The following PKHD1 variants were observed in gnomAD, a reference collection of about 807,000 sequenced individuals.
PKHD1 encodes the protein PKHD1 ciliary IPT domain containing fibrocystin/polyductin, also known as fibrocystin.
Under a neutral mutation model 412.0 loss-of-function variants are expected in PKHD1, and 291 were observed. That is an observed-to-expected ratio of 0.71 (90% confidence interval 0.64 to 0.78). The LOEUF (loss-of-function observed/expected upper bound fraction) is 0.78. Ranked by LOEUF, PKHD1 falls within the 30% of genes least tolerant of loss-of-function variation. The pLI is 0.00. For missense variants in PKHD1, 4,825 were observed against 4,950.7 expected, an observed-to-expected ratio of 0.97 and a Z score of 0.76; for synonymous variants, 1,777 against 1,821.5, an observed-to-expected ratio of 0.98 and a Z score of 0.62.
At chr6:52,009,099 C>T (rs568769293) in intron 35 of PKHD1, among the ~76,000 whole-genome samples, 15 of 152,252 alleles carry the variant, frequency 9.9e-5, no homozygotes, top group African/African-American at 3.4e-4. Context: ...GGAAGTGCCA[C>T]TGGGGGTCAG....
chr6:51,696,675 G>A (rs1171851399), intron 60 of PKHD1, among the ~76,000 whole-genome samples: 1 of 152,160 alleles, frequency 6.6e-6, no homozygotes, highest in Non-Finnish European at 1.5e-5. Flanking sequence ...CTAAGGATGG[G>A]ATGAGCAAGC....
chr6:51,695,866 T>C (rs781708152), intron 60 of PKHD1, among the ~76,000 whole-genome samples: 2 of 152,212 alleles, frequency 1.3e-5, no homozygotes, highest in Non-Finnish European at 2.9e-5. Flanking sequence ...CTTTACTATC[T>C]TGTGTCTGTT....
intron 52 of PKHD1, among the ~76,000 whole-genome samples, chr6:51,812,772 A>G (rs1158037730): frequency 9.2e-5 from 14 of 152,200 alleles, no homozygotes; most frequent in Admixed American, 8.5e-4. Context: ...CTGAGAGTCT[A>G]GTACCTTTCA....
Position 52,066,147 on chromosome 6 carries a change from T to C in PKHD1, c.779-70A>G, listed in dbSNP as rs535422632. The C allele has an allele frequency of 3.8e-5, 27 of 709,892 alleles. No individual in the cohort carries two copies. In the East Asian group the frequency reaches 6.5e-4, roughly 17 times the overall value. 44.0% of individuals were successfully genotyped at this position (709,892 alleles called of 1,614,324 possible). ...CCAGAATATGACCTAGATAATAATA[T>C]AATAATAGGAGATATTAATAATTTC... On this transcript the variant is annotated intron_variant, in intron 11 of 66. Transcript: ENST00000371117.
At chr6:51,752,882 A>G (rs1465851992) in intron 57 of PKHD1, among the ~76,000 whole-genome samples, 1 of 152,200 alleles carries the variant, frequency 6.6e-6, no homozygotes, top group African/African-American at 2.4e-5. Flanking sequence ...AGAGTAACAG[A>G]AATTCAGGAA....
chr6:51,972,058 G>C (rs564297347), intron 35 of PKHD1, among the ~76,000 whole-genome samples: 1 of 152,026 alleles, frequency 6.6e-6, no homozygotes, highest in African/African-American at 2.4e-5. Flanking sequence ...TTAAAGGCCC[G>C]TATTCTGACT....
intron 36 of PKHD1, among the ~76,000 whole-genome samples, chr6:51,943,461 A>T (rs1210545734): frequency 6.6e-6 from 1 of 151,068 alleles, no homozygotes; most frequent in Non-Finnish European, 1.5e-5. Context: ...ACCGTTCTCA[A>T]CTACTCATAA....
At chr6:51,992,947 T>C (rs1450691620) in intron 35 of PKHD1, among the ~76,000 whole-genome samples, 1 of 152,208 alleles carries the variant, frequency 6.6e-6, no homozygotes, top group Non-Finnish European at 1.5e-5. Flanking sequence ...TAAAACTAGA[T>C]TCAACCATCA....
At position 52,069,626 on chromosome 6, in the gene PKHD1, A is replaced by AT. The variant is rs1174350003; in HGVS notation, c.708-100dup. On this transcript the variant is annotated intron_variant, in intron 10 of 66. Coordinates refer to ENST00000371117, the MANE Select transcript of PKHD1 (RefSeq NM_138694.4). ...AAAGGAAGATTGGGAACTAACCTCT[A>AT]TTGATCTTTAGAACAGTTGAAATAG... is the stretch of plus-strand genomic sequence containing the variant. 9.4e-6 allele frequency: 8 copies of AT among 853,110 alleles called. No individual in the cohort carries two copies. The African/African-American group carries it at 1.3e-4, about 14-fold the overall frequency. 52.8% of individuals were successfully genotyped at this position (853,110 alleles called of 1,614,324 possible).
rs1378779402 is a variant in PKHD1, at chr6:51,975,966, A to AGG, written c.5752-15941_5752-15940insCC. On this transcript the variant is annotated intron_variant, in intron 35 of 66. Transcript: ENST00000371117. ...ATAGCGAGACCCTTTCTCTAATTAA[A>AGG]AAAAAAAAAAAAAAAAAAAAAAAAC... is the stretch of plus-strand genomic sequence containing the variant. 334 of 122,650 alleles carry AGG rather than the reference A, an allele frequency of 2.7e-3. 3 individuals carry two copies. The highest frequency in any genetic ancestry group is 0.016 in the Middle Eastern group (4 of 256). The allele number at this position is 122,650 out of a possible 1,614,324, so 7.6% of individuals were successfully genotyped here.
At chr6:51,765,590 G>A (rs1169186495) in intron 55 of PKHD1, among the ~76,000 whole-genome samples, 1 of 151,830 alleles carries the variant, frequency 6.6e-6, no homozygotes, top group Non-Finnish European at 1.5e-5. Context: ...GACTTTCCCT[G>A]TCCATTCAAT....
intron 54 of PKHD1, among the ~76,000 whole-genome samples, chr6:51,773,815 A>T (rs898530081): frequency 6.6e-6 from 1 of 151,720 alleles, no homozygotes; most frequent in African/African-American, 2.4e-5. Context: ...ATCCCAATTA[A>T]TTAGAACTTA....
At chr6:51,850,379 C>A (rs553868952) in intron 49 of PKHD1, among the ~76,000 whole-genome samples, 3 of 152,170 alleles carry the variant, frequency 2.0e-5, no homozygotes, top group African/African-American at 7.2e-5. Flanking sequence ...TATACAGGGT[C>A]TTCTTCGATT....
chr6:52,043,750 C>CT lies in PKHD1; in HGVS notation c.2716-21dup. On this transcript the variant is annotated intron_variant, in intron 25 of 66. Coordinates refer to ENST00000371117, the MANE Select transcript of PKHD1 (RefSeq NM_138694.4). ...AACCACCTGAAATGAGGCAAAATTTCTTTTCCATTTTATGCATTTCATATC... is the reference window on the plus strand; with the variant it reads ...AACCACCTGAAATGAGGCAAAATTTCTTTTTCCATTTTATGCATTTCATATC... 6.3e-7 allele frequency: 1 copy of CT among 1,586,274 alleles called. No individual in the cohort carries two copies. Among genetic ancestry groups the CT allele is most frequent in the Non-Finnish European group, 8.7e-7 (1 of 1,154,836 alleles).
Position 52,027,821 on chromosome 6 carries a change from C to A in PKHD1, c.3628+8G>T. 1.3e-6 allele frequency: 2 copies of A among 1,594,162 alleles called. No homozygotes were observed. Among genetic ancestry groups the A allele is most frequent in the Non-Finnish European group, 1.7e-6 (2 of 1,161,766 alleles). On this transcript the variant is annotated splice_region_variant and intron_variant, in intron 31 of 66. Transcript: ENST00000371117. ...ATAATTGATAACAGTCACATAAGAG[C>A]CACTCACCCAGCAGGGACCCACAGC...
chr6:52,021,837 A>G (rs1013854376), intron 33 of PKHD1, among the ~76,000 whole-genome samples: 1 of 152,014 alleles, frequency 6.6e-6, no homozygotes, highest in African/African-American at 2.4e-5. Flanking sequence ...AGCATTATCC[A>G]TCATTAAATT....
At chr6:51,983,348 G>C (rs1175522676) in intron 35 of PKHD1, among the ~76,000 whole-genome samples, 1 of 152,152 alleles carries the variant, frequency 6.6e-6, no homozygotes, top group East Asian at 1.9e-4. Flanking sequence ...TTAGTTTTCA[G>C]AGACAAGACT....
chr6:51,639,700 C>T (rs1190804804), intron 63 of PKHD1, among the ~76,000 whole-genome samples: 11 of 152,200 alleles, frequency 7.2e-5, no homozygotes, highest in Non-Finnish European at 1.6e-4. Context: ...CATTAATCGT[C>T]TTTTGACTCC....
intron 56 of PKHD1, among the ~76,000 whole-genome samples, chr6:51,754,264 G>A (rs1220234242): frequency 8.6e-5 from 13 of 152,046 alleles, no homozygotes; most frequent in Non-Finnish European, 1.8e-4. Context: ...TTTAAAAAAA[G>A]GTCTGGGCTT....
Sources: allele counts gnomAD v4.1 joint callset (sites outside exome capture counted in the v4.1 genomes callset), GRCh38; gene constraint gnomAD v4.1.1; transcripts MANE v1.5; gene names NCBI Gene and HGNC (gene_info 2026-07-23, HGNC 2026-07-21).